Variants in ARID2 observed in about 807,000 individuals in gnomAD.
ARID2 encodes AT-rich interactive domain-containing protein 2.
Under a neutral mutation model 184.6 loss-of-function variants are expected in ARID2, and 32 were observed. That is an observed-to-expected ratio of 0.17 (90% CI 0.13 to 0.23). The LOEUF (loss-of-function observed/expected upper bound fraction) is 0.23. Among genes scored for constraint, ARID2 ranks in the 10% least tolerant of loss-of-function variants. ARID2 has a pLI of 1.00. For synonymous variants in ARID2, 836 were observed against 772.6 expected (o/e 1.08, Z -1.36); for missense variants, 1,696 against 2,197.6 (o/e 0.77, Z 4.56).
chr12:45,897,843 AG>A (rs1303909860), intron 20 of ARID2, among the ~76,000 whole-genome samples: 1 of 151,768 alleles, frequency 6.6e-6, no homozygotes, highest in Non-Finnish European at 1.5e-5. Context: ...TGAGTTTTTG[AG>A]GTTTTTTTTT....
chr12:45,792,567 A>G (rs1942311730), intron 3 of ARID2, among the ~76,000 whole-genome samples: 1 of 152,194 alleles, frequency 6.6e-6, no homozygotes, highest in African/African-American at 2.4e-5. Flanking sequence ...ATAAAGCTGT[A>G]TCCTTACTGT....
intron 16 of ARID2, among the ~76,000 whole-genome samples, chr12:45,862,173 G>C (rs893303511): frequency 9.2e-5 from 14 of 151,794 alleles, no homozygotes; most frequent in African/African-American, 3.4e-4. Flanking sequence ...GTAGGTTTTT[G>C]TTTGTTTTTC....
intron 16 of ARID2, among the ~76,000 whole-genome samples, chr12:45,878,189 G>A (rs997364134): frequency 6.6e-6 from 1 of 152,126 alleles, no homozygotes; most frequent in African/African-American, 2.4e-5. Context: ...TGAATATGAT[G>A]TGGCTAGGTG....
chr12:45,853,554 T>G (rs1943594396), intron 15 of ARID2, among the ~76,000 whole-genome samples: 1 of 152,250 alleles, frequency 6.6e-6, no homozygotes, highest in Non-Finnish European at 1.5e-5. Context: ...AAGTATTTTC[T>G]AAAATCAGCA....
intron 10 of ARID2, among the ~76,000 whole-genome samples, chr12:45,838,742 G>T (rs1453666413): frequency 6.6e-6 from 1 of 151,898 alleles, no homozygotes; most frequent in Non-Finnish European, 1.5e-5. Flanking sequence ...TCCAGCCTGG[G>T]TGACAGAACA....
Position 45,907,733 on chromosome 12 carries a change from T to TA in ARID2, c.*2656dup, listed in dbSNP as rs1944548605. 1 of 232,970 alleles carries TA rather than the reference T, an allele frequency of 4.3e-6. No individual in the cohort carries two copies. The highest frequency in any genetic ancestry group is 5.6e-5 in the Admixed American group (1 of 17,764). The allele number at this position is 232,970 out of a possible 1,614,324, so 14.4% of individuals were successfully genotyped here. On this transcript the variant is annotated 3_prime_UTR_variant, in exon 21 of 21. Transcript: ENST00000334344. ...TTATTTTTGTCTAAAGTTCTGTAAA[T>TA]ACATGCTTTAATGTTATCTTTGAGA...
intron 3 of ARID2, among the ~76,000 whole-genome samples, chr12:45,738,760 TC>T (rs1941180486): frequency 6.8e-6 from 1 of 146,902 alleles, no homozygotes; most frequent in Admixed American, 7.1e-5. Context: ...ACTTTTTTCT[TC>T]CTGGGGCATA....
chr12:45,801,816 G>T (rs1942507435), intron 3 of ARID2, among the ~76,000 whole-genome samples: 1 of 151,990 alleles, frequency 6.6e-6, no homozygotes, highest in Non-Finnish European at 1.5e-5. Context: ...GAGAGAGAGA[G>T]AAAGAATGAG....
intron 12 of ARID2, 28 bp from the exon 13 acceptor site, chr12:45,848,808 A>G: frequency 1.3e-6 from 2 of 1,597,814 alleles, no homozygotes; most frequent in Non-Finnish European, 1.7e-6. Context: ...AGTATATTGT[A>G]TAATGCTTAA....
chr12:45,772,312 A>T (rs1176005770), intron 3 of ARID2, among the ~76,000 whole-genome samples: 3 of 152,226 alleles, frequency 2.0e-5, no homozygotes, highest in Non-Finnish European at 4.4e-5. Context: ...GTTAGAATCC[A>T]GGTGTGGTAA....
At chr12:45,744,731 A>G (rs932454511) in intron 3 of ARID2, among the ~76,000 whole-genome samples, 1 of 152,208 alleles carries the variant, frequency 6.6e-6, no homozygotes, top group African/African-American at 2.4e-5. Flanking sequence ...TTATAGGTTA[A>G]TGAACCCCCT....
chr12:45,894,379 T>G (rs1480166722), intron 20 of ARID2, among the ~76,000 whole-genome samples: 1 of 152,230 alleles, frequency 6.6e-6, no homozygotes, highest in Non-Finnish European at 1.5e-5. Context: ...GTGTTCCTGA[T>G]AGTCACTTTC....
At position 45,907,912 on chromosome 12, in the gene ARID2, T is replaced by C. The variant is rs1432382710; in HGVS notation, c.*2834T>C. The C allele has an allele frequency of 4.7e-5, 11 of 231,702 alleles. No individual in the cohort carries two copies. The highest frequency in any genetic ancestry group is 8.5e-5 in the Non-Finnish European group (10 of 117,172). 14.4% of individuals were successfully genotyped at this position (231,702 alleles called of 1,614,324 possible). A position where few individuals can be genotyped will look rare whatever the true frequency, so the allele number is the denominator to read the frequency against. On this transcript the variant is annotated 3_prime_UTR_variant, in exon 21 of 21. Coordinates refer to ENST00000334344, the MANE Select transcript of ARID2 (RefSeq NM_152641.4). ...TTTTTCTTCCAAGCTCAAGTCAGGA[T>C]TGTGACTATATATTAATGAGACTCA...
chr12:45,850,697 A>G lies in ARID2; in HGVS notation c.2574A>G (p.Ala858=), dbSNP rs1943532171. The change falls in exon 15 of 21, where the codon GCA becomes GCG. Residue 858 remains alanine, a synonymous_variant. Coordinates refer to ENST00000334344, the MANE Select transcript of ARID2 (RefSeq NM_152641.4). The stretch of plus-strand genomic sequence containing the variant: ...CCCCACAGTATGTAACAACTTCTGC[A>G]TCCAATATTGTCTCAGCAACTTCAG... The part of the protein sequence containing the change: ...IAPPQYVTTS[A]SNIVSATSVQ... 2 of 1,614,076 alleles carry G rather than the reference A, an allele frequency of 1.2e-6. No individual in the cohort carries two copies. The highest frequency in any genetic ancestry group is 1.7e-6 in the Non-Finnish European group (2 of 1,179,998).
Position 45,851,258 on chromosome 12 carries a change from G to T in ARID2, c.3135G>T (p.Ser1045=), listed in dbSNP as rs759600332. 16 of 1,614,144 alleles carry T rather than the reference G, an allele frequency of 9.9e-6. No homozygotes were observed. The South Asian group carries it at 1.6e-4, about 17-fold the overall frequency. ...AGATGCAAGTTCAACCTCAACAGTC[G>T]AATGCAGGAGTTGGTCAGCCTGCCT... ...QVQMQVQPQQ[S]NAGVGQPASG... is the part of the protein sequence containing the mutation. Residue 1045 remains serine (S), a synonymous_variant, in exon 15 of 21, where the codon TCG becomes TCT. Coordinates refer to ENST00000334344, the MANE Select transcript of ARID2 (RefSeq NM_152641.4).
At chr12:45,797,296 G>A (rs190996304) in intron 3 of ARID2, among the ~76,000 whole-genome samples, 11 of 152,226 alleles carry the variant, frequency 7.2e-5, no homozygotes, top group African/African-American at 2.4e-4. Context: ...GTGCAGTGGC[G>A]TGATCTCGGC....
rs1410900401 is a variant in ARID2 at position 45,839,219 on chromosome 12, G to A, written c.1331-110G>A. ...TAATTCTGATGTACTGTGATTCATG[G>A]ACTAGCATTTATTCACATTGATAAG... is the stretch of plus-strand genomic sequence containing the variant. On this transcript the variant is annotated intron_variant, in intron 10 of 20. Transcript: ENST00000334344. 3 of 1,064,466 alleles carry A rather than the reference G, an allele frequency of 2.8e-6. No individual in the cohort carries two copies. The East Asian group carries it at 8.0e-5, about 28-fold the overall frequency. The allele number at this position is 1,064,466 out of a possible 1,614,324, so 65.9% of individuals were successfully genotyped here. A position where few individuals can be genotyped will look rare whatever the true frequency, so the allele number is the denominator to read the frequency against.
At chr12:45,781,893 A>G (rs1423207355) in intron 3 of ARID2, among the ~76,000 whole-genome samples, 1 of 152,252 alleles carries the variant, frequency 6.6e-6, no homozygotes, top group African/African-American at 2.4e-5. Flanking sequence ...TTTATGGTAC[A>G]GTATCTATTA....
At chr12:45,904,840 G>A in intron 20 of ARID2, 94 bp from the exon 21 acceptor site, 3 of 1,296,834 alleles carry the variant, frequency 2.3e-6, no homozygotes, top group Middle Eastern at 2.7e-4. Context: ...GCTATGTATT[G>A]TTTCTATTTT....
Sources: gnomAD v4.1 joint callset for allele counts (sites outside exome capture counted in the v4.1 genomes callset) on GRCh38, gnomAD v4.1.1 for gene constraint, MANE v1.5 for transcripts, NCBI Gene and HGNC (gene_info 2026-07-23, HGNC 2026-07-21) for gene names.